The following C9orf78 variants were observed in gnomAD, a reference collection of about 807,000 sequenced individuals.
C9orf78 encodes chromosome 9 open reading frame 78.
Under a neutral mutation model 37.4 loss-of-function variants are expected in C9orf78, and 19 were observed. The observed-to-expected ratio is 0.51, with a 90% CI of 0.35 to 0.74. C9orf78 has a LOEUF of 0.74. C9orf78 is among the 30% of genes least tolerant of loss of function. The pLI, the probability that C9orf78 is intolerant of heterozygous loss-of-function variation, is 0.01. For missense variants in C9orf78, 291 were observed against 370.8 expected (o/e 0.78, Z 1.77); for synonymous variants, 130 against 128.0 (o/e 1.02, Z -0.10).
intron 8 of C9orf78, chr9:129,828,725 T>G: frequency 4.1e-6 from 1 of 245,728 alleles, no homozygotes; most frequent in Non-Finnish European, 8.1e-6. Context: ...GCATGGCCAA[T>G]ACCTTTTTCT....
Position 129,835,176 on chromosome 9 carries a change from C to A in C9orf78, c.46G>T (p.Glu16Ter). The change falls in exon 1 of 9, where the codon GAG (glutamate) becomes TAG (stop). Residue 16 changes from glutamate to a stop codon, truncating the protein, a stop_gained. Coordinates refer to ENST00000372447, the MANE Select transcript of C9orf78 (RefSeq NM_016520.3). LOFTEE classifies it high-confidence loss of function. ...KIFRRRRGDS[E>*]SEEDEQDSEE... Reference sequence around the variant, plus strand: ...GAGTCCTGCTCATCTTCCTCTGACTCCGAGTCGCCCCGGCGGCGACGGAAA... The same window carrying A: ...GAGTCCTGCTCATCTTCCTCTGACTACGAGTCGCCCCGGCGGCGACGGAAA... 2 of 1,611,136 alleles carry A rather than the reference C, an allele frequency of 1.2e-6. No homozygotes were observed. Among genetic ancestry groups the A allele is most frequent in the South Asian group, 2.2e-5 (2 of 90,952 alleles).
chr9:129,830,114 T>C (rs1375825496), intron 6 of C9orf78: 5 of 152,654 alleles, frequency 3.3e-5, no homozygotes, highest in African/African-American at 1.2e-4. Context: ...CTCATTTGTA[T>C]TTGTAGGATT....
At chr9:129,831,796 C>G (rs1172980099) in intron 5 of C9orf78, 100 bp downstream of exon 5, 12 of 761,896 alleles carry the variant, frequency 1.6e-5, no homozygotes, top group Admixed American at 3.5e-5. Flanking sequence ...ACTTTGACAT[C>G]TTCTAGAAAA....
chr9:129,834,015 C>T, intron 2 of C9orf78: 1 of 360,726 alleles, frequency 2.8e-6, no homozygotes, highest in Non-Finnish European at 5.1e-6. Context: ...GAAAGTGCAG[C>T]TAAAGATAAA....
In C9orf78 at chr9:129,832,417, A is replaced by G. The variant is rs143291921; in HGVS notation, c.267-444T>C. On this transcript the variant is annotated intron_variant, in intron 4 of 8. Transcript: ENST00000372447. Reference sequence around the variant, plus strand: ...GTACACAGTAAACTTTTATTTTTTTAATTTTTGAATTATTTGAATGTTTGA... The same window carrying G: ...GTACACAGTAAACTTTTATTTTTTTGATTTTTGAATTATTTGAATGTTTGA... Among the ~76,000 whole-genome samples, 386 of 152,284 alleles carry G rather than the reference A, an allele frequency of 2.5e-3. 2 individuals carry two copies. Among genetic ancestry groups the G allele is most frequent in the African/African-American group, 9.0e-3 (373 of 41,576 alleles).
At chr9:129,830,684 G>C (rs1465217915) in intron 6 of C9orf78, 187 bp downstream of exon 6, 6 of 550,800 alleles carry the variant, frequency 1.1e-5, no homozygotes, top group Non-Finnish European at 1.6e-5. Flanking sequence ...GCTAATTTTT[G>C]TATTTTTAGT....
At chr9:129,833,737 G>A (rs1389913680) in intron 2 of C9orf78, 28 bp from the exon 3 acceptor site, 1 of 1,566,760 alleles carries the variant, frequency 6.4e-7, no homozygotes, top group Admixed American at 1.7e-5. Context: ...AAAAAGAGAG[G>A]GGGAGAGAGA....
chr9:129,833,565 G>T, intron 3 of C9orf78, 48 bp from the exon 4 acceptor site: 1 of 1,492,806 alleles, frequency 6.7e-7, no homozygotes. Flanking sequence ...ATACATGGTA[G>T]TGGAATTTTT....
In C9orf78 at chr9:129,830,643, G is replaced by A. The variant is rs569466677; in HGVS notation, c.542+228C>T. On this transcript the variant is annotated intron_variant, in intron 6 of 8. Coordinates refer to ENST00000372447, the MANE Select transcript of C9orf78 (RefSeq NM_016520.3). ...ATTTCCTGCCTCAGCCTCCCAAGTA[G>A]CTGGACTACAGGTGCCTGCCACCAT... 3 of 489,172 alleles carry A rather than the reference G, an allele frequency of 6.1e-6. No individual in the cohort carries two copies. The East Asian group carries it at 1.2e-4, about 19-fold the overall frequency. 30.3% of individuals were successfully genotyped at this position (489,172 alleles called of 1,614,324 possible). A position where few individuals can be genotyped will look rare whatever the true frequency, so the allele number is the denominator to read the frequency against.
rs548211713 is a variant in C9orf78 at position 129,828,495 on chromosome 9, C to T, written c.779-243G>A. 13 of 312,550 alleles carry T rather than the reference C, an allele frequency of 4.2e-5. No homozygotes were observed. The East Asian group carries it at 6.5e-4, about 16-fold the overall frequency. 19.4% of individuals were successfully genotyped at this position (312,550 alleles called of 1,614,324 possible). The stretch of plus-strand genomic sequence containing the variant: ...CTAGAGTGTAATGGCATGATCTCAG[C>T]TCACTGCAACCTCCAACTCCCGAGT... On this transcript the variant is annotated intron_variant, in intron 8 of 8. Transcript: ENST00000372447.
At chr9:129,833,982 A>C in intron 2 of C9orf78, 2 of 435,836 alleles carry the variant, frequency 4.6e-6, no homozygotes, top group East Asian at 3.9e-5. Context: ...TGGAAATCTC[A>C]TTTCTAAGAT....
chr9:129,832,867 C>G (rs1036856010), intron 4 of C9orf78, among the ~76,000 whole-genome samples: 9 of 151,986 alleles, frequency 5.9e-5, no homozygotes, highest in Admixed American at 3.9e-4. Context: ...GCGGCTCACT[C>G]TAGCCTCAAC....
In C9orf78 at chr9:129,827,714, CAG is replaced by C. The variant is rs1257093201; in HGVS notation, c.*445_*446del. 4.0e-5 allele frequency: 6 copies of C among 151,744 alleles called. No homozygotes were observed. Among genetic ancestry groups the C allele is most frequent in the Non-Finnish European group, 8.8e-5 (6 of 68,172 alleles). 9.4% of individuals were successfully genotyped at this position (151,744 alleles called of 1,614,324 possible). ...TCCAGCAGGTAAGTAGAAGGACTAA[CAG>C]GGTCTGTTTCTGGAACTGTCCGCCA... On this transcript the variant is annotated 3_prime_UTR_variant, in exon 9 of 9. Coordinates refer to ENST00000372447, the MANE Select transcript of C9orf78 (RefSeq NM_016520.3).
At chr9:129,832,589 C>A (rs13296980) in intron 4 of C9orf78, among the ~76,000 whole-genome samples, 24,631 of 151,968 alleles carry the variant, frequency 0.16, 2,395 homozygotes, top group Non-Finnish European at 0.21. Context: ...CGGGTGCCCA[C>A]CACAATGCCC....
At chr9:129,828,273 A>T in intron 8 of C9orf78, 21 bp from the exon 9 acceptor site, 1 of 1,484,482 alleles carries the variant, frequency 6.7e-7, no homozygotes, top group Non-Finnish European at 9.4e-7. Flanking sequence ...AAAGAACAGG[A>T]AAGGTGGTTT....
chr9:129,831,158 G>T, intron 5 of C9orf78, 90 bp from the exon 6 acceptor site: 1 of 802,338 alleles, frequency 1.2e-6, no homozygotes, highest in Non-Finnish European at 2.2e-6. Context: ...CTGGCCCGCA[G>T]ACCAGTGACA....
intron 8 of C9orf78, 41 bp from the exon 9 acceptor site, chr9:129,828,293 G>GA: frequency 8.4e-7 from 1 of 1,186,700 alleles, no homozygotes; most frequent in Non-Finnish European, 1.3e-6. Context: ...TGCCATGCTG[G>GA]AACCCACTGC....
Position 129,833,481 on chromosome 9 carries a change from C to G in C9orf78, c.232G>C (p.Asp78His). The G allele has an allele frequency of 6.2e-7, 1 of 1,605,798 alleles. No individual in the cohort carries two copies. Among genetic ancestry groups the G allele is most frequent in the Non-Finnish European group, 8.5e-7 (1 of 1,172,376 alleles). The change falls in exon 4 of 9, where the codon GAT becomes CAT. Residue 78 changes from aspartate to histidine, a missense_variant. Transcript: ENST00000372447. ...PFQMKTGGMV[D>H]MKKLKERGKD... Reference sequence around the variant, plus strand: ...CCCCTTTCCTTCAGTTTCTTCATATCCACCATACCACCTGTCTTCATCTGA... The same window carrying G: ...CCCCTTTCCTTCAGTTTCTTCATATGCACCATACCACCTGTCTTCATCTGA...
chr9:129,828,745 A>C, intron 8 of C9orf78: 1 of 245,270 alleles, frequency 4.1e-6, no homozygotes, highest in South Asian at 4.6e-5. Context: ...TTTTCTTTAA[A>C]AAAAAGATGT....
Sources: gnomAD v4.1 joint callset for allele counts (sites outside exome capture counted in the v4.1 genomes callset) on GRCh38, gnomAD v4.1.1 for gene constraint, MANE v1.5 for transcripts, NCBI Gene and HGNC (gene_info 2026-07-23, HGNC 2026-07-21) for gene names.